The following PRKG1 variants were observed in gnomAD, a reference collection of about 807,000 sequenced individuals.
PRKG1 encodes cGMP-dependent protein kinase 1.
Under a neutral mutation model 88.1 loss-of-function variants are expected in PRKG1, and 35 were observed. The ratio of observed to expected loss-of-function variants is 0.40; its 90% CI spans 0.30 to 0.53. The LOEUF is 0.53. Among genes scored for constraint, PRKG1 ranks in the 20% least tolerant of loss-of-function variants. PRKG1 has a pLI of 0.59. For missense variants in PRKG1, 540 were observed against 839.8 expected (o/e 0.64, Z 4.41); for synonymous variants, 303 against 292.5 (o/e 1.04, Z -0.37).
At chr10:51,141,161 T>A (rs1845810706) in intron 1 of PRKG1, among the ~76,000 whole-genome samples, 1 of 152,204 alleles carries the variant, frequency 6.6e-6, no homozygotes, top group South Asian at 2.1e-4. Flanking sequence ...GACCTCAGCA[T>A]CCACCTTTAA....
chr10:50,991,680 C>A lies in PRKG1; in HGVS notation c.266+36C>A. 1 of 1,396,148 alleles carries A rather than the reference C, an allele frequency of 7.2e-7. No individual in the cohort carries two copies. Among genetic ancestry groups the A allele is most frequent in the South Asian group, 1.5e-5 (1 of 67,732 alleles). The allele number at this position is 1,396,148 out of a possible 1,614,324, so 86.5% of individuals were successfully genotyped here. ...AGGCCGTGGGCCCGGGCGCTCGTCC[C>A]GGCCCGCGGCGCAGAGGCTGGGGGC... On this transcript the variant is annotated intron_variant, in intron 1 of 17. Transcript: ENST00000401604. This position sits in a 1 kb window ranked among gnomAD's most constrained non-coding sequence, Gnocchi z 4.5.
chr10:51,637,420 A>G (rs1162165404), intron 3 of PRKG1, among the ~76,000 whole-genome samples: 1 of 152,248 alleles, frequency 6.6e-6, no homozygotes, highest in Non-Finnish European at 1.5e-5. Context: ...ATTACTGGGT[A>G]TATGCTGAAA....
At chr10:51,172,445 T>C (rs74131787) in intron 2 of PRKG1, among the ~76,000 whole-genome samples, 10,016 of 152,144 alleles carry the variant, frequency 0.066, 694 homozygotes, top group African/African-American at 0.17. Flanking sequence ...AACTGAGAGT[T>C]GACACACAGA....
chr10:51,499,151 T>G (rs574456848), intron 3 of PRKG1, among the ~76,000 whole-genome samples: 1 of 152,220 alleles, frequency 6.6e-6, no homozygotes, highest in African/African-American at 2.4e-5. Flanking sequence ...AAGAACACTC[T>G]ATGAGATTCC....
intron 6 of PRKG1, among the ~76,000 whole-genome samples, chr10:52,056,017 T>C (rs1157371645): frequency 6.6e-6 from 1 of 152,202 alleles, no homozygotes; most frequent in Non-Finnish European, 1.5e-5. Context: ...ACAATATTTA[T>C]ATTTTTATTA....
At chr10:51,548,892 C>T (rs1406996375) in intron 3 of PRKG1, among the ~76,000 whole-genome samples, 10 of 151,926 alleles carry the variant, frequency 6.6e-5, no homozygotes, top group Admixed American at 4.6e-4. Context: ...GTGTGAAAGC[C>T]TAAAATAACA....
intron 3 of PRKG1, among the ~76,000 whole-genome samples, chr10:51,747,236 T>A (rs74132404): frequency 0.014 from 2,169 of 152,312 alleles, 57 homozygotes; most frequent in African/African-American, 0.049. Flanking sequence ...CAACTCAGAC[T>A]GAAAATGTGC....
At chr10:52,007,611 C>A (rs1050695475) in intron 5 of PRKG1, among the ~76,000 whole-genome samples, 1 of 152,106 alleles carries the variant, frequency 6.6e-6, no homozygotes, top group Non-Finnish European at 1.5e-5. Flanking sequence ...TATAGGAACA[C>A]CCAGATTCAC....
intron 4 of PRKG1, among the ~76,000 whole-genome samples, chr10:51,805,195 T>C (rs994614696): frequency 3.3e-5 from 5 of 152,082 alleles, no homozygotes; most frequent in African/African-American, 1.2e-4. Flanking sequence ...TATCCTTTAA[T>C]CCTGAGCTTA....
At chr10:51,708,277 A>G (rs182199559) in intron 3 of PRKG1, among the ~76,000 whole-genome samples, 509 of 152,168 alleles carry the variant, frequency 3.3e-3, no homozygotes, top group Non-Finnish European at 5.3e-3. Context: ...AGGAACACCC[A>G]TTGTATTAGA....
At chr10:51,445,909 C>T (rs1414820112) in intron 2 of PRKG1, among the ~76,000 whole-genome samples, 4 of 151,782 alleles carry the variant, frequency 2.6e-5, no homozygotes, top group Non-Finnish European at 5.9e-5. Context: ...TCGCATTAAC[C>T]TCTAAACCCT....
intron 13 of PRKG1, 120 bp downstream of exon 13, chr10:52,281,050 A>G (rs2132447816): frequency 6.2e-6 from 7 of 1,134,174 alleles, no homozygotes; most frequent in Non-Finnish European, 8.6e-6. Flanking sequence ...CTTTCTTAAA[A>G]GCAGATTTTA....
intron 3 of PRKG1, among the ~76,000 whole-genome samples, chr10:51,586,028 T>C (rs1431164265): frequency 2.0e-5 from 3 of 152,154 alleles, no homozygotes; most frequent in Non-Finnish European, 4.4e-5. Context: ...TTGGGTACTA[T>C]GCTCACTAGC....
intron 1 of PRKG1, among the ~76,000 whole-genome samples, chr10:51,011,655 A>C (rs1482165541): frequency 6.6e-6 from 1 of 152,096 alleles, no homozygotes; most frequent in African/African-American, 2.4e-5. Context: ...ATTTGGTTTG[A>C]CTCCTGTTTT....
intron 5 of PRKG1, among the ~76,000 whole-genome samples, chr10:51,911,842 A>G (rs1842223642): frequency 6.6e-6 from 1 of 152,170 alleles, no homozygotes; most frequent in African/African-American, 2.4e-5. Flanking sequence ...AGATGAAAGA[A>G]CCCCAGATAA....
intron 2 of PRKG1, among the ~76,000 whole-genome samples, chr10:51,378,312 T>C (rs1445601858): frequency 1.3e-5 from 2 of 152,218 alleles, no homozygotes; most frequent in East Asian, 3.9e-4. Flanking sequence ...TTACTCCATG[T>C]TATCTAGTCT....
intron 1 of PRKG1, among the ~76,000 whole-genome samples, chr10:50,998,344 A>G (rs767877146): frequency 2.6e-5 from 4 of 152,180 alleles, no homozygotes; most frequent in Admixed American, 1.3e-4. Context: ...TACTCAAACT[A>G]TTACTCTAAT....
At chr10:51,703,509 C>T (rs1266703698) in intron 3 of PRKG1, among the ~76,000 whole-genome samples, 2 of 152,036 alleles carry the variant, frequency 1.3e-5, no homozygotes, top group African/African-American at 4.8e-5. Context: ...ACTCCTTTAC[C>T]TTTCAGCAAA....
chr10:51,685,413 C>G (rs1225016389), intron 3 of PRKG1, among the ~76,000 whole-genome samples: 1 of 152,152 alleles, frequency 6.6e-6, no homozygotes, highest in Non-Finnish European at 1.5e-5. Flanking sequence ...CAAAAGAGGA[C>G]ATAGAACTCA....
Sources: gnomAD v4.1 joint callset for allele counts (sites outside exome capture counted in the v4.1 genomes callset) on GRCh38, gnomAD v4.1.1 for gene constraint, Gnocchi (gnomAD v3.1) non-coding constraint, MANE v1.5 for transcripts, NCBI Gene and HGNC (gene_info 2026-07-23, HGNC 2026-07-21) for gene names.